CCBE1: variants seen among roughly 807,000 people sequenced by gnomAD.
CCBE1 encodes collagen and calcium binding EGF domains 1, also known as collagen and calcium-binding EGF domain-containing protein 1.
In CCBE1, 37 loss-of-function variants were observed where a neutral mutation model predicts 50.0. That is an observed-to-expected ratio of 0.74 (90% CI 0.57 to 0.97). The LOEUF is 0.97. CCBE1 is among the 50% of genes least tolerant of loss of function. The probability of loss-of-function intolerance (pLI) is 0.00; values close to 1 mark genes in which losing one functional copy is unlikely to be tolerated. For missense variants in CCBE1, 538 were observed against 523.8 expected (o/e 1.03, Z -0.26); for synonymous variants, 234 against 203.7 (o/e 1.15, Z -1.27).
At chr18:59,612,228 G>T (rs966195430) in intron 2 of CCBE1, among the ~76,000 whole-genome samples, 1 of 149,040 alleles carries the variant, frequency 6.7e-6, no homozygotes, top group African/African-American at 2.5e-5. Context: ...AACCAACATG[G>T]CACATGTATA....
At chr18:59,595,327 T>C (rs1421957007) in intron 2 of CCBE1, among the ~76,000 whole-genome samples, 1 of 151,884 alleles carries the variant, frequency 6.6e-6, no homozygotes, top group Non-Finnish European at 1.5e-5. Context: ...GTCGGACAGA[T>C]CAGATTTTGA....
rs149822245 is a variant in CCBE1 at position 59,660,387 on chromosome 18, C to G, written c.212+36242G>C. On this transcript the variant is annotated intron_variant, in intron 2 of 10. Coordinates refer to ENST00000439986, the MANE Select transcript of CCBE1 (RefSeq NM_133459.4). ...CCCAATCTTCCCATTTTACACTGAT[C>G]GGTCTTGCTTAGCAAGGCAAAAGAG... Among the ~76,000 whole-genome samples, 405 of 152,106 alleles carry G rather than the reference C, an allele frequency of 2.7e-3. 2 individuals carry two copies. Among genetic ancestry groups the G allele is most frequent in the South Asian group, 0.018 (87 of 4,810 alleles).
chr18:59,438,662 G>C (rs1910269098), intron 9 of CCBE1, among the ~76,000 whole-genome samples: 1 of 152,212 alleles, frequency 6.6e-6, no homozygotes, highest in Admixed American at 6.5e-5. Context: ...CTTTTCCTAT[G>C]AGTGGTTGTG....
chr18:59,583,807 C>T (rs904495945), intron 2 of CCBE1, among the ~76,000 whole-genome samples: 2 of 152,128 alleles, frequency 1.3e-5, no homozygotes, highest in African/African-American at 4.8e-5. Flanking sequence ...ACCCTTTAAA[C>T]AAACTGATAT....
chr18:59,505,945 G>A (rs920530680), intron 2 of CCBE1, among the ~76,000 whole-genome samples: 1 of 152,206 alleles, frequency 6.6e-6, no homozygotes, highest in African/African-American at 2.4e-5. Context: ...ATGTGGGCAG[G>A]GTGTTGGGAA....
rs573853266 is a variant in CCBE1, at chr18:59,680,426, C to T, written c.212+16203G>A. Among the ~76,000 whole-genome samples, 21 of 152,030 alleles carry T rather than the reference C, an allele frequency of 1.4e-4. No homozygotes were observed. The South Asian group carries it at 3.7e-3, about 27-fold the overall frequency. On this transcript the variant is annotated intron_variant, in intron 2 of 10. Coordinates refer to ENST00000439986, the MANE Select transcript of CCBE1 (RefSeq NM_133459.4). ...ATGTAAAGAACACCTAAAGGCCAGG[C>T]GCGGTGGTTTGCATGTAATCCCAGC...
intron 10 of CCBE1, 33 bp downstream of exon 10, chr18:59,438,078 C>G (rs370344440): frequency 6.2e-7 from 1 of 1,612,818 alleles, no homozygotes; most frequent in Non-Finnish European, 8.5e-7. Context: ...GAGAACGTTC[C>G]CCTGGGGAAG....
intron 7 of CCBE1, among the ~76,000 whole-genome samples, chr18:59,443,469 C>CTTTT (rs11337100): frequency 1.4e-5 from 2 of 144,832 alleles, no homozygotes; most frequent in Non-Finnish European, 3.0e-5. Flanking sequence ...AATTTGCCAA[C>CTTTT]TTTTTTTTTT....
At chr18:59,604,684 G>A (rs1265122211) in intron 2 of CCBE1, among the ~76,000 whole-genome samples, 1 of 152,158 alleles carries the variant, frequency 6.6e-6, no homozygotes, top group Non-Finnish European at 1.5e-5. Flanking sequence ...GCTTCAATAG[G>A]CATTTGTTTC....
intron 2 of CCBE1, among the ~76,000 whole-genome samples, chr18:59,671,934 T>C (rs1000883206): frequency 1.4e-4 from 22 of 151,812 alleles, no homozygotes; most frequent in African/African-American, 5.1e-4. Flanking sequence ...GCAGATAACA[T>C]ACAGATGACA....
At chr18:59,476,377 AT>A (rs1345946415) in intron 3 of CCBE1, among the ~76,000 whole-genome samples, 2 of 152,180 alleles carry the variant, frequency 1.3e-5, no homozygotes, top group Non-Finnish European at 2.9e-5. Flanking sequence ...TTTATGCTGA[AT>A]TAATAATTGC....
chr18:59,478,601 G>C (rs1287992197), intron 3 of CCBE1, among the ~76,000 whole-genome samples: 2 of 152,168 alleles, frequency 1.3e-5, no homozygotes, highest in African/African-American at 4.8e-5. Flanking sequence ...TTAGGATGAG[G>C]GAGACTACTT....
intron 2 of CCBE1, among the ~76,000 whole-genome samples, chr18:59,550,041 C>T (rs1309516831): frequency 6.6e-6 from 1 of 152,226 alleles, no homozygotes; most frequent in Non-Finnish European, 1.5e-5. Context: ...TTTCAGGAAT[C>T]CTTAAAGCAT....
In CCBE1 at chr18:59,633,106, T is replaced by A. The variant is rs75883634; in HGVS notation, c.212+63523A>T. Among the ~76,000 whole-genome samples, 4 of 152,280 alleles carry A rather than the reference T, an allele frequency of 2.6e-5. No homozygotes were observed. In the East Asian group the frequency reaches 7.7e-4, roughly 29 times the overall value. ...TTCCCTGGGCACAGCTCTCAATAACTCACACTTTGGGAGCTCGCAGGGAGA... is the reference window on the plus strand; with the variant it reads ...TTCCCTGGGCACAGCTCTCAATAACACACACTTTGGGAGCTCGCAGGGAGA... On this transcript the variant is annotated intron_variant, in intron 2 of 10. Transcript: ENST00000439986.
intron 2 of CCBE1, among the ~76,000 whole-genome samples, chr18:59,496,152 A>T (rs1395696870): frequency 2.6e-5 from 4 of 152,168 alleles, no homozygotes; most frequent in Non-Finnish European, 4.4e-5. Flanking sequence ...TTACAGCTTC[A>T]GTCTCTGTGA....
intron 2 of CCBE1, among the ~76,000 whole-genome samples, chr18:59,547,699 G>A (rs979772649): frequency 7.9e-5 from 12 of 152,174 alleles, no homozygotes; most frequent in Non-Finnish European, 1.5e-4. Context: ...CAGTACTTCT[G>A]GCTACACTTC....
chr18:59,443,796 G>C (rs1910550532), intron 7 of CCBE1, among the ~76,000 whole-genome samples: 1 of 152,114 alleles, frequency 6.6e-6, no homozygotes, highest in Non-Finnish European at 1.5e-5. Context: ...TAAATGTAGT[G>C]TTTAGTAATG....
intron 2 of CCBE1, among the ~76,000 whole-genome samples, chr18:59,636,189 A>C (rs954564118): frequency 6.6e-6 from 1 of 152,138 alleles, no homozygotes; most frequent in Non-Finnish European, 1.5e-5. Context: ...AACTCCTTAC[A>C]TAAGGCATAT....
At chr18:59,661,941 A>G (rs8088948) in intron 2 of CCBE1, among the ~76,000 whole-genome samples, 64,301 of 151,674 alleles carry the variant, frequency 0.42, 14,864 homozygotes, top group African/African-American at 0.61. Context: ...TACTCTAGCC[A>G]GGGCAACAGA....
Sources: allele counts gnomAD v4.1 joint callset (sites outside exome capture counted in the v4.1 genomes callset), GRCh38; gene constraint gnomAD v4.1.1; transcripts MANE v1.5; gene names NCBI Gene and HGNC (gene_info 2026-07-23, HGNC 2026-07-21).